Variants in CNTN6 observed in about 807,000 individuals in gnomAD.
CNTN6 encodes the protein contactin 6, also known as contactin-6.
A neutral mutation model predicts 122.8 loss-of-function variants in CNTN6; 137 were observed. That is an observed-to-expected ratio of 1.12 (90% confidence interval 0.97 to 1.29). CNTN6 has a LOEUF of 1.29. Ranked by LOEUF, CNTN6 falls within the 50% of genes most tolerant of loss-of-function variation. The pLI is 0.00. For synonymous variants in CNTN6, 570 were observed against 426.0 expected (o/e 1.34, Z -4.16); for missense variants, 1,634 against 1,223.4 (o/e 1.34, Z -5.01).
At chr3:1,102,652 C>CG (rs2090982098) in intron 1 of CNTN6, among the ~76,000 whole-genome samples, 2 of 149,240 alleles carry the variant, frequency 1.3e-5, no homozygotes, top group East Asian at 2.0e-4. Context: ...GGCGGGAACC[C>CG]GGGGGGCGGA....
At chr3:1,328,817 C>T (rs1191271915) in intron 10 of CNTN6, among the ~76,000 whole-genome samples, 1 of 151,628 alleles carries the variant, frequency 6.6e-6, no homozygotes, top group African/African-American at 2.4e-5. Context: ...AGACTGGACA[C>T]ATGGATTCCA....
At chr3:1,361,580 C>G (rs951038640) in intron 12 of CNTN6, among the ~76,000 whole-genome samples, 2 of 152,090 alleles carry the variant, frequency 1.3e-5, no homozygotes, top group East Asian at 3.9e-4. Context: ...TTATCATACT[C>G]TTCAAGCTAT....
At chr3:1,226,765 A>G (rs1438601846) in intron 3 of CNTN6, among the ~76,000 whole-genome samples, 1 of 152,154 alleles carries the variant, frequency 6.6e-6, no homozygotes, top group Non-Finnish European at 1.5e-5. Context: ...ATAAAATTAT[A>G]TGTTTTTCTG....
chr3:1,307,245 T>C (rs1698504814), intron 7 of CNTN6, among the ~76,000 whole-genome samples: 1 of 152,184 alleles, frequency 6.6e-6, no homozygotes, highest in Admixed American at 6.5e-5. Flanking sequence ...ATTATCTTTT[T>C]CCCACGCTGC....
intron 17 of CNTN6, among the ~76,000 whole-genome samples, chr3:1,382,297 C>G (rs1410384707): frequency 6.6e-6 from 1 of 152,066 alleles, no homozygotes; most frequent in Non-Finnish European, 1.5e-5. Context: ...TTACCAATTT[C>G]TATTTTGCTA....
At chr3:1,185,291 A>C (rs1465497927) in intron 2 of CNTN6, among the ~76,000 whole-genome samples, 1 of 152,134 alleles carries the variant, frequency 6.6e-6, no homozygotes, top group East Asian at 1.9e-4. Flanking sequence ...AGTGGTTTTT[A>C]CACTTAGAGA....
At chr3:1,295,003 A>T (rs1424503887) in intron 5 of CNTN6, among the ~76,000 whole-genome samples, 1 of 152,186 alleles carries the variant, frequency 6.6e-6, no homozygotes, top group Non-Finnish European at 1.5e-5. Flanking sequence ...CTGTAATCCT[A>T]GCACTTTGGG....
At chr3:1,242,571 G>A (rs143204719) in intron 4 of CNTN6, among the ~76,000 whole-genome samples, 2 of 152,286 alleles carry the variant, frequency 1.3e-5, no homozygotes, top group Non-Finnish European at 2.9e-5. Flanking sequence ...GCGGGGTAAG[G>A]GTGATTAGAT....
intron 7 of CNTN6, among the ~76,000 whole-genome samples, chr3:1,306,308 A>G (rs1335323954): frequency 6.6e-6 from 1 of 152,100 alleles, no homozygotes; most frequent in East Asian, 1.9e-4. Context: ...TTTTTTTAAC[A>G]TGACGTGGTA....
intron 2 of CNTN6, among the ~76,000 whole-genome samples, chr3:1,157,280 C>T (rs988400624): frequency 1.3e-5 from 2 of 151,694 alleles, no homozygotes; most frequent in African/African-American, 2.4e-5. Context: ...TGCGGTGGCA[C>T]GATTCTGGCT....
intron 2 of CNTN6, among the ~76,000 whole-genome samples, chr3:1,213,149 T>C (rs185860391): frequency 6.6e-6 from 1 of 152,312 alleles, no homozygotes; most frequent in Non-Finnish European, 1.5e-5. Context: ...CTAATCATTC[T>C]CACAAGTATA....
chr3:1,251,654 G>T (rs1479949331), intron 4 of CNTN6, among the ~76,000 whole-genome samples: 1 of 151,638 alleles, frequency 6.6e-6, no homozygotes, highest in African/African-American at 2.4e-5. Flanking sequence ...GGTCCATTCA[G>T]TGGGCCATTA....
intron 8 of CNTN6, among the ~76,000 whole-genome samples, chr3:1,325,243 C>G (rs1297624388): frequency 6.6e-6 from 1 of 151,752 alleles, no homozygotes; most frequent in Non-Finnish European, 1.5e-5. Flanking sequence ...AGATACTGAA[C>G]CTGTATAAAA....
At chr3:1,156,391 C>G (rs2092962681) in intron 2 of CNTN6, among the ~76,000 whole-genome samples, 1 of 152,142 alleles carries the variant, frequency 6.6e-6, no homozygotes, top group Admixed American at 6.5e-5. Context: ...TATGCTCATT[C>G]TGAGAAATAT....
chr3:1,285,448 G>A (rs1174590939), intron 5 of CNTN6, among the ~76,000 whole-genome samples: 1 of 152,104 alleles, frequency 6.6e-6, no homozygotes, highest in East Asian at 1.9e-4. Context: ...TGGATTATAT[G>A]TTTAGGGCAA....
In CNTN6 at chr3:1,357,483, C is replaced by A. The variant is rs115087962; in HGVS notation, c.1492+5032C>A. The stretch of plus-strand genomic sequence containing the variant: ...CTTTGTGTATATCATCTCATTTCAA[C>A]TTTCAGAGTAATGCTTTGAAGCAGA... On this transcript the variant is annotated intron_variant, in intron 12 of 22. Transcript: ENST00000446702. Among the ~76,000 whole-genome samples, 5 of 152,002 alleles carry A rather than the reference C, an allele frequency of 3.3e-5. No homozygotes were observed. In the South Asian group the frequency reaches 1.0e-3, roughly 32 times the overall value.
chr3:1,112,981 GC>G, intron 1 of CNTN6, among the ~76,000 whole-genome samples: 1 of 152,200 alleles, frequency 6.6e-6, no homozygotes, highest in Middle Eastern at 3.4e-3. Context: ...TAATAATGGA[GC>G]CCCCACTAAT....
At chr3:1,241,433 T>C (rs907947695) in intron 4 of CNTN6, among the ~76,000 whole-genome samples, 21 of 151,928 alleles carry the variant, frequency 1.4e-4, no homozygotes, top group Admixed American at 6.6e-4. Context: ...TGAGGGGTGA[T>C]ATTGTGCGGA....
intron 1 of CNTN6, among the ~76,000 whole-genome samples, chr3:1,102,975 C>CA (rs1559317231): frequency 2.0e-5 from 3 of 150,752 alleles, no homozygotes; most frequent in African/African-American, 7.4e-5. Context: ...GGCGTGGTGG[C>CA]GGCGCCTGTG....
Sources: allele counts gnomAD v4.1 joint callset (sites outside exome capture counted in the v4.1 genomes callset), GRCh38; gene constraint gnomAD v4.1.1; transcripts MANE v1.5; gene names NCBI Gene and HGNC (gene_info 2026-07-23, HGNC 2026-07-21).